PPP3CA: variants seen among roughly 807,000 people sequenced by gnomAD.
PPP3CA encodes protein phosphatase 3 catalytic subunit alpha.
PPP3CA carries 14 observed loss-of-function variants against 66.5 expected under a neutral mutation model. The ratio of observed to expected loss-of-function variants is 0.21; its 90% CI spans 0.14 to 0.33. The LOEUF (loss-of-function observed/expected upper bound fraction) is 0.33, where lower values mean the gene tolerates loss of function less well. Ranked by LOEUF, PPP3CA falls within the 10% of genes least tolerant of loss-of-function variation. The pLI is 1.00. For missense variants in PPP3CA, 317 were observed against 639.5 expected, an observed-to-expected ratio of 0.50 and a Z score of 5.44; for synonymous variants, 232 against 226.2, an observed-to-expected ratio of 1.03 and a Z score of -0.23.
intron 1 of PPP3CA, among the ~76,000 whole-genome samples, chr4:101,223,782 G>A (rs143545864): frequency 8.6e-4 from 130 of 151,768 alleles, no homozygotes; most frequent in African/African-American, 3.0e-3. Flanking sequence ...TAACAGCAAC[G>A]CTCTGGAAAC....
rs745416220 is a variant in PPP3CA at position 101,032,341 on chromosome 4, G to A, written c.1265C>T (p.Thr422Met). The A allele has an allele frequency of 5.6e-6, 9 of 1,613,014 alleles. No homozygotes were observed. The highest frequency in any genetic ancestry group is 3.3e-5 in the Admixed American group (2 of 59,910). ...GCCAGTTGGGGTCAAGCCTTTCAGC[G>A]TCAGCACACTCTCACTCTCTTCTCT... ...VLREESESVL[T>M]LKGLTPTGML... Residue 422 changes from threonine to methionine, a missense_variant, in exon 12 of 14, where the codon ACG (threonine) becomes ATG (methionine). Coordinates refer to ENST00000394854, the MANE Select transcript of PPP3CA (RefSeq NM_000944.5).
At chr4:101,156,444 G>A (rs940303564) in intron 2 of PPP3CA, among the ~76,000 whole-genome samples, 9 of 152,226 alleles carry the variant, frequency 5.9e-5, no homozygotes, top group African/African-American at 2.2e-4. Context: ...ACTTTGGGAG[G>A]CTGAGGCCGG....
intron 2 of PPP3CA, among the ~76,000 whole-genome samples, chr4:101,128,498 G>A (rs923060688): frequency 3.3e-5 from 5 of 151,826 alleles, no homozygotes; most frequent in African/African-American, 9.7e-5. Context: ...AGCTCCCAGC[G>A]ACACCAATGC....
At chr4:101,133,252 C>A (rs568810909) in intron 2 of PPP3CA, among the ~76,000 whole-genome samples, 12 of 152,164 alleles carry the variant, frequency 7.9e-5, no homozygotes, top group African/African-American at 2.7e-4. Flanking sequence ...CTGGCCAGGG[C>A]AGTCAGGCAA....
At chr4:101,061,651 G>C (rs1000234131) in intron 9 of PPP3CA, among the ~76,000 whole-genome samples, 1 of 151,944 alleles carries the variant, frequency 6.6e-6, no homozygotes, top group Admixed American at 6.6e-5. Context: ...TAATATATTT[G>C]AAGTATTTTT....
chr4:101,162,111 G>A (rs954151748), intron 2 of PPP3CA, among the ~76,000 whole-genome samples: 10 of 152,190 alleles, frequency 6.6e-5, no homozygotes, highest in Non-Finnish European at 1.2e-4. Flanking sequence ...ATGGTGGCAT[G>A]TGCCTGTAAT....
chr4:101,272,121 T>C (rs1351148662), intron 1 of PPP3CA, among the ~76,000 whole-genome samples: 2 of 152,168 alleles, frequency 1.3e-5, no homozygotes, highest in Non-Finnish European at 1.5e-5. Context: ...TATGATTACA[T>C]GAAACTGTTT....
intron 1 of PPP3CA, among the ~76,000 whole-genome samples, chr4:101,306,927 G>A (rs993191540): frequency 6.6e-6 from 1 of 152,114 alleles, no homozygotes; most frequent in African/African-American, 2.4e-5. Context: ...ACGGGAGGAT[G>A]AGGATGAGTG....
Position 101,106,445 on chromosome 4 carries a change from GAAAGAAAGAGAAAAGAAAAGAAAA to G in PPP3CA, c.384+2485_384+2508del, listed in dbSNP as rs1199942286. On this transcript the variant is annotated intron_variant, in intron 3 of 13. Coordinates refer to ENST00000394854, the MANE Select transcript of PPP3CA (RefSeq NM_000944.5). Reference sequence around the variant, plus strand: ...AGAAAGAAAGAAAGAAAGAAAGAAAGAAAGAAAGAGAAAAGAAAAGAAAAGAAAAGAAAAGAAAAGAAAAGAAAA... The same window carrying G: ...AGAAAGAAAGAAAGAAAGAAAGAAAGGAAAAGAAAAGAAAAGAAAAGAAAA... Among the ~76,000 whole-genome samples, 21 of 12,214 alleles carry G rather than the reference GAAAGAAAGAGAAAAGAAAAGAAAA, an allele frequency of 1.7e-3. 6 individuals are homozygous for G. Among genetic ancestry groups the G allele is most frequent in the African/African-American group, 6.0e-3 (21 of 3,512 alleles). The allele number at this position is 12,214 out of a possible 152,430, so 8.0% of individuals were successfully genotyped here.
At chr4:101,258,415 GTCT>G (rs985571917) in intron 1 of PPP3CA, among the ~76,000 whole-genome samples, 2 of 152,060 alleles carry the variant, frequency 1.3e-5, no homozygotes, top group African/African-American at 4.8e-5. Flanking sequence ...CCACACCTGA[GTCT>G]TCTTCTTGGA....
intron 1 of PPP3CA, among the ~76,000 whole-genome samples, chr4:101,273,860 GAAATAAGA>G (rs1426140852): frequency 6.6e-6 from 1 of 151,624 alleles, no homozygotes; most frequent in Non-Finnish European, 1.5e-5. Context: ...ATAAAATGAT[GAAATAAGA>G]AAACATCTTG....
intron 1 of PPP3CA, among the ~76,000 whole-genome samples, chr4:101,296,747 C>A (rs886743894): frequency 2.0e-5 from 3 of 152,016 alleles, no homozygotes; most frequent in Admixed American, 6.5e-5. Context: ...TACAGACGTG[C>A]AAAAGTTTAC....
intron 2 of PPP3CA, among the ~76,000 whole-genome samples, chr4:101,135,442 A>G: frequency 6.6e-6 from 1 of 152,184 alleles, no homozygotes. Flanking sequence ...ACTCAGGATT[A>G]ACATTATTCT....
rs976189899 is a variant in PPP3CA, at chr4:101,347,245, G to C, written c.-449C>G. 2 of 219,664 alleles carry C rather than the reference G, an allele frequency of 9.1e-6. No individual in the cohort carries two copies. The highest frequency in any genetic ancestry group is 1.8e-5 in the Non-Finnish European group (2 of 111,586). 13.6% of individuals were successfully genotyped at this position (219,664 alleles called of 1,614,324 possible). A position where few individuals can be genotyped will look rare whatever the true frequency, so the allele number is the denominator to read the frequency against. ...ATCACATGGGGAAGGCCGGGGGCGA[G>C]GGAGGAGAGGCAGGGCCGCCGATGT... On this transcript the variant is annotated 5_prime_UTR_variant, in exon 1 of 14. Coordinates refer to ENST00000394854, the MANE Select transcript of PPP3CA (RefSeq NM_000944.5).
chr4:101,273,211 C>A (rs1242839588), intron 1 of PPP3CA, among the ~76,000 whole-genome samples: 1 of 152,094 alleles, frequency 6.6e-6, no homozygotes, highest in Non-Finnish European at 1.5e-5. Context: ...AATACCTGTA[C>A]CAAATGGTTT....
At position 101,197,850 on chromosome 4, in the gene PPP3CA, T is replaced by C. The variant is rs578174082; in HGVS notation, c.59-1734A>G. Among the ~76,000 whole-genome samples, 3 of 152,270 alleles carry C rather than the reference T, an allele frequency of 2.0e-5. No homozygotes were observed. The South Asian group carries it at 6.2e-4, about 32-fold the overall frequency. ...CTAGTGATTTATGTGTATAACTTGG[T>C]GAGTTTAAACCCCAGCAGTCTGATG... On this transcript the variant is annotated intron_variant, in intron 1 of 13. Transcript: ENST00000394854.
intron 1 of PPP3CA, among the ~76,000 whole-genome samples, chr4:101,311,163 T>A (rs1197671682): frequency 1.3e-5 from 2 of 152,254 alleles, no homozygotes; most frequent in African/African-American, 4.8e-5. Context: ...TTAAAAGTTA[T>A]GTAAACACAA....
intron 10 of PPP3CA, among the ~76,000 whole-genome samples, chr4:101,059,813 A>T (rs577920289): frequency 2.6e-5 from 4 of 152,244 alleles, no homozygotes; most frequent in Admixed American, 2.6e-4. Flanking sequence ...ACCAGTTTGC[A>T]ACTTCTTCAA....
intron 10 of PPP3CA, among the ~76,000 whole-genome samples, chr4:101,041,981 A>C (rs571694986): frequency 1.1e-4 from 17 of 152,144 alleles, no homozygotes; most frequent in Non-Finnish European, 2.4e-4. Context: ...TTTTATTATA[A>C]TTTGTGGTAA....
Sources: allele counts gnomAD v4.1 joint callset (sites outside exome capture counted in the v4.1 genomes callset), GRCh38; gene constraint gnomAD v4.1.1; transcripts MANE v1.5; gene names NCBI Gene and HGNC (gene_info 2026-07-23, HGNC 2026-07-21).